Variants in SPAG16 observed in about 807,000 individuals in gnomAD.
SPAG16 encodes the protein sperm associated antigen 16, also known as sperm-associated antigen 16 protein.
Under a neutral mutation model 80.4 loss-of-function variants are expected in SPAG16, and 86 were observed. The observed-to-expected ratio is 1.07, with a 90% CI of 0.90 to 1.28. The LOEUF (loss-of-function observed/expected upper bound fraction) is 1.28, where lower values mean the gene tolerates loss of function less well. Among genes scored for constraint, SPAG16 ranks in the 50% most tolerant of loss-of-function variants. The probability of loss-of-function intolerance (pLI) is 0.00; values close to 1 mark genes in which losing one functional copy is unlikely to be tolerated. For synonymous variants in SPAG16, 294 were observed against 265.9 expected (o/e 1.11, Z -1.03); for missense variants, 870 against 765.3 (o/e 1.14, Z -1.61).
chr2:213,849,327 A>G (rs2074787698), intron 10 of SPAG16, among the ~76,000 whole-genome samples: 1 of 152,108 alleles, frequency 6.6e-6, no homozygotes, highest in African/African-American at 2.4e-5. Flanking sequence ...CCCATGGCCC[A>G]AACACCTCCT....
intron 9 of SPAG16, among the ~76,000 whole-genome samples, chr2:213,410,024 C>T (rs574637388): frequency 8.6e-5 from 13 of 152,014 alleles, no homozygotes; most frequent in South Asian, 2.1e-4. Context: ...AAAACTTTAG[C>T]GATCCTGGGA....
intron 10 of SPAG16, among the ~76,000 whole-genome samples, chr2:213,717,088 C>T (rs1002481561): frequency 6.6e-6 from 1 of 151,804 alleles, no homozygotes; most frequent in Non-Finnish European, 1.5e-5. Context: ...AATGCATAAT[C>T]CATAGAGAGC....
intron 10 of SPAG16, among the ~76,000 whole-genome samples, chr2:213,819,193 G>T (rs1050573617): frequency 6.6e-6 from 1 of 152,146 alleles, no homozygotes; most frequent in African/African-American, 2.4e-5. Flanking sequence ...ATTTAAGCAG[G>T]CCCTACAAAG....
chr2:213,727,643 G>A (rs1369922738), intron 10 of SPAG16, among the ~76,000 whole-genome samples: 4 of 152,064 alleles, frequency 2.6e-5, no homozygotes, highest in Non-Finnish European at 5.9e-5. Context: ...AAGGAGTGTT[G>A]GGAGATAAGG....
chr2:213,298,803 C>T (rs1433485833), intron 3 of SPAG16, among the ~76,000 whole-genome samples: 2 of 152,106 alleles, frequency 1.3e-5, no homozygotes, highest in African/African-American at 4.8e-5. Context: ...TGATTTCTGG[C>T]ATGTCTGTAG....
chr2:213,301,218 A>G (rs937255477), intron 3 of SPAG16, among the ~76,000 whole-genome samples: 5 of 149,864 alleles, frequency 3.3e-5, no homozygotes, highest in African/African-American at 9.7e-5. Context: ...TTGAATTCCC[A>G]TTCTCTCCAT....
intron 10 of SPAG16, among the ~76,000 whole-genome samples, chr2:213,762,583 C>T (rs1203374549): frequency 6.6e-6 from 1 of 152,074 alleles, no homozygotes; most frequent in East Asian, 1.9e-4. Flanking sequence ...AAACTGGTTA[C>T]CCTCATGTAA....
At chr2:213,461,093 T>A (rs1351800939) in intron 9 of SPAG16, among the ~76,000 whole-genome samples, 1 of 152,142 alleles carries the variant, frequency 6.6e-6, no homozygotes, top group Non-Finnish European at 1.5e-5. Flanking sequence ...AAATACACAT[T>A]TATACAGTGA....
chr2:213,984,211 C>T (rs1167744274), intron 12 of SPAG16, among the ~76,000 whole-genome samples: 2 of 151,994 alleles, frequency 1.3e-5, no homozygotes, highest in Admixed American at 1.3e-4. Flanking sequence ...GATTAGAGAA[C>T]TTATTATGGA....
intron 10 of SPAG16, among the ~76,000 whole-genome samples, chr2:213,560,004 G>C (rs2059554077): frequency 6.6e-6 from 1 of 151,934 alleles, no homozygotes; most frequent in Non-Finnish European, 1.5e-5. Flanking sequence ...AATGCAACCT[G>C]TTCCCTACCC....
In SPAG16 at chr2:213,796,531, A is replaced by G. The variant is rs2071041092; in HGVS notation, c.1071-65954A>G. 2.0e-5 allele frequency among the ~76,000 whole-genome samples: 3 copies of G among 152,152 alleles called. No individual in the cohort carries two copies. The South Asian group carries it at 6.2e-4, about 32-fold the overall frequency. On this transcript the variant is annotated intron_variant, in intron 10 of 15. Coordinates refer to ENST00000331683, the MANE Select transcript of SPAG16 (RefSeq NM_024532.5). The stretch of plus-strand genomic sequence containing the variant: ...ATGGATATACAGTCATGTGCCACCT[A>G]ATACTTTGGTAAAGGACAGACTGTA...
At chr2:213,796,755 T>C (rs965073532) in intron 10 of SPAG16, among the ~76,000 whole-genome samples, 2 of 151,944 alleles carry the variant, frequency 1.3e-5, no homozygotes, top group African/African-American at 4.8e-5. Context: ...TACTTGATAA[T>C]AAATAAAGTT....
intron 10 of SPAG16, among the ~76,000 whole-genome samples, chr2:213,589,958 C>G (rs1013815526): frequency 6.6e-6 from 1 of 151,708 alleles, no homozygotes; most frequent in Non-Finnish European, 1.5e-5. Context: ...ACTGGGGACT[C>G]TGTGTGCTTT....
intron 10 of SPAG16, among the ~76,000 whole-genome samples, chr2:213,515,137 T>C (rs2075372818): frequency 6.6e-6 from 1 of 151,936 alleles, no homozygotes; most frequent in Non-Finnish European, 1.5e-5. Flanking sequence ...TAAATAAATA[T>C]TCAAACTATT....
At chr2:213,588,107 A>G (rs975255819) in intron 10 of SPAG16, among the ~76,000 whole-genome samples, 1 of 152,210 alleles carries the variant, frequency 6.6e-6, no homozygotes. Flanking sequence ...TATGGTTCCT[A>G]TATAAAATGA....
intron 15 of SPAG16, among the ~76,000 whole-genome samples, chr2:214,206,487 A>G (rs1675208712): frequency 6.6e-6 from 1 of 152,180 alleles, no homozygotes; most frequent in African/African-American, 2.4e-5. Flanking sequence ...ATAATATTCC[A>G]TTGTGTATAC....
At chr2:213,989,844 C>A (rs2046193206) in intron 12 of SPAG16, among the ~76,000 whole-genome samples, 1 of 151,920 alleles carries the variant, frequency 6.6e-6, no homozygotes, top group African/African-American at 2.4e-5. Context: ...GGTTAATGAG[C>A]CCAGAGTCCA....
chr2:214,011,757 A>G (rs543248853), intron 12 of SPAG16, among the ~76,000 whole-genome samples: 1 of 152,326 alleles, frequency 6.6e-6, no homozygotes, highest in South Asian at 2.1e-4. Context: ...TTCTTGCTCC[A>G]AATACTTATT....
Position 214,164,643 on chromosome 2 carries a change from G to A in SPAG16, c.1720+15377G>A, listed in dbSNP as rs143983682. Among the ~76,000 whole-genome samples the A allele has an allele frequency of 3.3e-5, 5 of 152,220 alleles. No homozygotes were observed. The East Asian group carries it at 9.7e-4, about 29-fold the overall frequency. On this transcript the variant is annotated intron_variant, in intron 15 of 15. Coordinates refer to ENST00000331683, the MANE Select transcript of SPAG16 (RefSeq NM_024532.5). ...TATAAGTTAGCTCAATTTTTTAAAT[G>A]CATGTACATTTGATGGGGTATAGGT...
Sources: gnomAD v4.1 joint callset for allele counts (sites outside exome capture counted in the v4.1 genomes callset) on GRCh38, gnomAD v4.1.1 for gene constraint, MANE v1.5 for transcripts, NCBI Gene and HGNC (gene_info 2026-07-23, HGNC 2026-07-21) for gene names.